CDKAL1: variants seen among roughly 807,000 people sequenced by gnomAD.
The protein encoded by CDKAL1 is threonylcarbamoyladenosine tRNA methylthiotransferase.
A neutral mutation model predicts 68.2 loss-of-function variants in CDKAL1; 32 were observed. That is an observed-to-expected ratio of 0.47 (90% CI 0.35 to 0.63). CDKAL1 has a LOEUF of 0.63. Ranked by LOEUF, CDKAL1 falls within the 30% of genes least tolerant of loss-of-function variation. The pLI is 0.00. For missense variants in CDKAL1, 606 were observed against 696.7 expected, an observed-to-expected ratio of 0.87 and a Z score of 1.47; for synonymous variants, 234 against 244.3, an observed-to-expected ratio of 0.96 and a Z score of 0.39.
chr6:20,791,931 CAG>C (rs886408252), intron 8 of CDKAL1, among the ~76,000 whole-genome samples: 1 of 151,408 alleles, frequency 6.6e-6, no homozygotes, highest in Admixed American at 6.6e-5. Context: ...CACCATCTGT[CAG>C]CTTTCCTGTT....
intron 5 of CDKAL1, among the ~76,000 whole-genome samples, chr6:20,650,281 T>C (rs189876930): frequency 5.3e-5 from 8 of 152,350 alleles, no homozygotes; most frequent in Admixed American, 5.2e-4. Context: ...TGGTACCTCA[T>C]TGTGGTTTTG....
At chr6:20,619,238 A>C (rs991437580) in intron 4 of CDKAL1, among the ~76,000 whole-genome samples, 4 of 152,166 alleles carry the variant, frequency 2.6e-5, no homozygotes, top group African/African-American at 9.7e-5. Context: ...GCATCTATAA[A>C]ATTCTTTTGA....
At position 20,628,511 on chromosome 6, in the gene CDKAL1, A is replaced by G. The variant is rs529752296; in HGVS notation, c.287-20782A>G. Among the ~76,000 whole-genome samples, 45 of 152,264 alleles carry G rather than the reference A, an allele frequency of 3.0e-4. No homozygotes were observed. The South Asian group carries it at 9.3e-3, about 32-fold the overall frequency. On this transcript the variant is annotated intron_variant, in intron 4 of 15. Coordinates refer to ENST00000274695, the MANE Select transcript of CDKAL1 (RefSeq NM_017774.3). ...TCTATTTAGGGAAAGATTTATTAAC[A>G]TAATTACATGTGACTATTCTTTCTT...
intron 10 of CDKAL1, among the ~76,000 whole-genome samples, chr6:20,986,603 C>T (rs370911173): frequency 2.0e-5 from 3 of 150,922 alleles, no homozygotes; most frequent in Admixed American, 1.3e-4. Context: ...GTACAATTCT[C>T]TCTTTAGAAG....
intron 5 of CDKAL1, among the ~76,000 whole-genome samples, chr6:20,651,120 A>AG (rs1441208936): frequency 6.6e-6 from 1 of 152,064 alleles, no homozygotes; most frequent in Non-Finnish European, 1.5e-5. Flanking sequence ...TGGGAATAGT[A>AG]TTGAATCTAC....
intron 5 of CDKAL1, among the ~76,000 whole-genome samples, chr6:20,684,836 G>A (rs1001269283): frequency 9.2e-5 from 14 of 152,144 alleles, no homozygotes; most frequent in Admixed American, 3.9e-4. Context: ...TGTCTGTCAA[G>A]GGCTTTACCC....
At chr6:20,734,497 AT>A (rs1176663267) in intron 5 of CDKAL1, among the ~76,000 whole-genome samples, 3 of 152,124 alleles carry the variant, frequency 2.0e-5, no homozygotes, top group African/African-American at 7.2e-5. Context: ...TTTAAAGGAA[AT>A]TTTTTTAAGG....
At chr6:20,664,335 A>G (rs573871541) in intron 5 of CDKAL1, among the ~76,000 whole-genome samples, 1 of 152,324 alleles carries the variant, frequency 6.6e-6, no homozygotes, top group African/African-American at 2.4e-5. Flanking sequence ...ATGGATGTCA[A>G]GGATCTCTTT....
At chr6:20,928,429 C>T (rs1051127731) in intron 9 of CDKAL1, among the ~76,000 whole-genome samples, 4 of 152,186 alleles carry the variant, frequency 2.6e-5, no homozygotes, top group African/African-American at 9.7e-5. Context: ...TCTCAAGGAT[C>T]TGTGAATCAC....
At chr6:21,041,857 T>A (rs1769951855) in intron 11 of CDKAL1, among the ~76,000 whole-genome samples, 1 of 152,190 alleles carries the variant, frequency 6.6e-6, no homozygotes, top group African/African-American at 2.4e-5. Flanking sequence ...ATGTTTCATG[T>A]GTATCAGTAA....
Position 21,089,198 on chromosome 6 carries a change from G to A in CDKAL1, c.1237-19203G>A, listed in dbSNP as rs139599916. Among the ~76,000 whole-genome samples, 63 of 152,168 alleles carry A rather than the reference G, an allele frequency of 4.1e-4. 2 individuals are homozygous for A. Among genetic ancestry groups the A allele is most frequent in the African/African-American group, 1.4e-3 (57 of 41,550 alleles). ...GCCTTAAAAAATTTACAGATAGGAC[G>A]GGTGTGGTGGCTGATGCCCACAATC... On this transcript the variant is annotated intron_variant, in intron 12 of 15. Transcript: ENST00000274695.
intron 10 of CDKAL1, among the ~76,000 whole-genome samples, chr6:20,998,897 A>G (rs966925440): frequency 3.3e-5 from 5 of 152,202 alleles, no homozygotes; most frequent in Non-Finnish European, 7.3e-5. Context: ...ATTTGAGTTC[A>G]TCTCTGGGCT....
chr6:21,090,865 G>A (rs1772975622), intron 12 of CDKAL1, among the ~76,000 whole-genome samples: 1 of 145,478 alleles, frequency 6.9e-6, no homozygotes, highest in African/African-American at 2.6e-5. Flanking sequence ...ATGCAGTGGT[G>A]CAAAATAATG....
chr6:20,825,312 A>G (rs1293101645), intron 8 of CDKAL1, among the ~76,000 whole-genome samples: 1 of 145,596 alleles, frequency 6.9e-6, no homozygotes, highest in Non-Finnish European at 1.5e-5. Flanking sequence ...TGACATAATA[A>G]TTTTGAATTT....
At chr6:20,915,526 T>TCC (rs908981495) in intron 9 of CDKAL1, among the ~76,000 whole-genome samples, 9 of 152,204 alleles carry the variant, frequency 5.9e-5, no homozygotes, top group Admixed American at 5.9e-4. Flanking sequence ...TGGGGGATAA[T>TCC]CTGCTTTACT....
chr6:21,156,682 G>A (rs1412033089), intron 13 of CDKAL1, among the ~76,000 whole-genome samples: 3 of 152,098 alleles, frequency 2.0e-5, no homozygotes, highest in Admixed American at 6.6e-5. Context: ...AAGGAAGAAC[G>A]ATGGATGTAA....
At chr6:21,018,659 A>C (rs116736249) in intron 11 of CDKAL1, among the ~76,000 whole-genome samples, 1,546 of 152,332 alleles carry the variant, frequency 0.01, 28 homozygotes, top group African/African-American at 0.036. Context: ...TACTGTTGAT[A>C]AAATTAACTA....
chr6:21,198,186 G>A (rs1166688906), intron 14 of CDKAL1, 82 bp downstream of exon 14: 6 of 890,984 alleles, frequency 6.7e-6, no homozygotes, highest in Non-Finnish European at 1.1e-5. Flanking sequence ...ATTTAAAGGG[G>A]AGAGTGTTGA....
At chr6:20,817,388 TCTTC>T (rs1399600968) in intron 8 of CDKAL1, among the ~76,000 whole-genome samples, 1 of 152,200 alleles carries the variant, frequency 6.6e-6, no homozygotes, top group Non-Finnish European at 1.5e-5. Flanking sequence ...ATACACTGTC[TCTTC>T]GTAGTAAATT....
Sources: allele counts gnomAD v4.1 joint callset (sites outside exome capture counted in the v4.1 genomes callset), GRCh38; gene constraint gnomAD v4.1.1; transcripts MANE v1.5; gene names NCBI Gene and HGNC (gene_info 2026-07-23, HGNC 2026-07-21).